SELENOF: variants seen among roughly 807,000 people sequenced by gnomAD.
The protein encoded by SELENOF is selenoprotein F, also known as 15 kDa selenoprotein.
Under a neutral mutation model 20.5 loss-of-function variants are expected in SELENOF, and 16 were observed. The ratio of observed to expected loss-of-function variants is 0.78; its 90% CI spans 0.53 to 1.19. SELENOF has a LOEUF of 1.19. Ranked by LOEUF, SELENOF falls within the 50% of genes most tolerant of loss-of-function variation. The probability of loss-of-function intolerance (pLI) is 0.00; values close to 1 mark genes in which losing one functional copy is unlikely to be tolerated. For missense variants in SELENOF, 215 were observed against 194.2 expected (o/e 1.11, Z -0.64); for synonymous variants, 78 against 74.5 (o/e 1.05, Z -0.24).
chr1:86,899,879 C>G (rs1475283053), intron 2 of SELENOF, among the ~76,000 whole-genome samples: 4 of 150,156 alleles, frequency 2.7e-5, no homozygotes, highest in African/African-American at 9.8e-5. Flanking sequence ...GATGGGGCGG[C>G]TGGGCAGAGA....
chr1:86,886,628 AAAG>A lies in SELENOF; in HGVS notation c.253-5906_253-5904del, dbSNP rs1659227572. Among the ~76,000 whole-genome samples the A allele has an allele frequency of 2.0e-5, 3 of 152,266 alleles. No individual in the cohort carries two copies. The South Asian group carries it at 6.2e-4, about 32-fold the overall frequency. On this transcript the variant is annotated intron_variant, in intron 2 of 4. Coordinates refer to ENST00000331835, the MANE Select transcript of SELENOF (RefSeq NM_004261.5). Reference sequence around the variant, plus strand: ...TAAAGTGCTAGTTTTGTTTATATTAAAAGAAGTTTTTCAAACCAAGTTAATATA... The same window carrying A: ...TAAAGTGCTAGTTTTGTTTATATTAAAAGTTTTTCAAACCAAGTTAATATA...
intron 3 of SELENOF, among the ~76,000 whole-genome samples, chr1:86,877,801 G>A (rs1030163285): frequency 3.3e-5 from 5 of 152,110 alleles, no homozygotes; most frequent in Non-Finnish European, 7.4e-5. Flanking sequence ...ACGTGCATTC[G>A]TTTAAGAACT....
In SELENOF at chr1:86,887,290, T is replaced by G. The variant is rs923560388; in HGVS notation, c.253-6565A>C. On this transcript the variant is annotated intron_variant, in intron 2 of 4. Transcript: ENST00000331835. Reference sequence around the variant, plus strand: ...AATACTATATCTGAGATTAAATTACTACTCATCTTGGAGTGCTTTTTACTA... The same window carrying G: ...AATACTATATCTGAGATTAAATTACGACTCATCTTGGAGTGCTTTTTACTA... The G allele has an allele frequency of 2.9e-6, 4 of 1,366,378 alleles. No homozygotes were observed. In the African/African-American group the frequency reaches 4.5e-5, roughly 15 times the overall value. 84.6% of individuals were successfully genotyped at this position (1,366,378 alleles called of 1,614,324 possible).
intron 4 of SELENOF, among the ~76,000 whole-genome samples, chr1:86,864,095 A>G (rs1658533742): frequency 1.3e-5 from 2 of 152,262 alleles, no homozygotes; most frequent in Non-Finnish European, 2.9e-5. Context: ...GAATGGAGGC[A>G]GACAAGTTCA....
intron 4 of SELENOF, among the ~76,000 whole-genome samples, chr1:86,865,096 A>G (rs570282502): frequency 6.6e-6 from 1 of 152,284 alleles, no homozygotes; most frequent in South Asian, 2.1e-4. Context: ...ACAAAATATT[A>G]GCAGTCAAAT....
At position 86,863,433 on chromosome 1, in the gene SELENOF, T is replaced by C; in HGVS notation, c.*41A>G. The C allele has an allele frequency of 6.4e-7, 1 of 1,552,380 alleles. No individual in the cohort carries two copies. The highest frequency in any genetic ancestry group is 8.8e-7 in the Non-Finnish European group (1 of 1,137,114). ...TTTCTAGGTGCTGTAATATTTCATT[T>C]GATAAGGTAACAAAAGGATAGGACA... On this transcript the variant is annotated 3_prime_UTR_variant, in exon 5 of 5. Transcript: ENST00000331835.
rs1438066886 is a variant in SELENOF at position 86,900,121 on chromosome 1, G to A, written c.252+3160C>T. On this transcript the variant is annotated intron_variant, in intron 2 of 4. Transcript: ENST00000331835. ...TTTCCAGACTGGGCAGCCAGGCAGAGGGGCTCCTCACATCCCAGACGATGG... is the reference window on the plus strand; with the variant it reads ...TTTCCAGACTGGGCAGCCAGGCAGAAGGGCTCCTCACATCCCAGACGATGG... Among the ~76,000 whole-genome samples the A allele has an allele frequency of 2.0e-5, 3 of 151,668 alleles. No homozygotes were observed. In the South Asian group the frequency reaches 6.3e-4, roughly 32 times the overall value.
chr1:86,883,725 T>C (rs1287221590), intron 2 of SELENOF, among the ~76,000 whole-genome samples: 1 of 152,150 alleles, frequency 6.6e-6, no homozygotes, highest in African/African-American at 2.4e-5. Context: ...ATGATAATGA[T>C]TGTACGGAGC....
intron 2 of SELENOF, among the ~76,000 whole-genome samples, chr1:86,901,133 T>C (rs1659695111): frequency 6.6e-6 from 1 of 152,232 alleles, no homozygotes; most frequent in African/African-American, 2.4e-5. Flanking sequence ...AAGGCACTAG[T>C]CTACATATTA....
intron 2 of SELENOF, among the ~76,000 whole-genome samples, chr1:86,898,452 C>T (rs900312609): frequency 6.6e-6 from 1 of 152,114 alleles, no homozygotes; most frequent in Non-Finnish European, 1.5e-5. Context: ...AAAAATGAGT[C>T]TCATCCTTAG....
intron 2 of SELENOF, among the ~76,000 whole-genome samples, chr1:86,896,684 T>C (rs770671086): frequency 1.3e-5 from 2 of 152,238 alleles, no homozygotes; most frequent in African/African-American, 2.4e-5. Flanking sequence ...GGGATGCTTA[T>C]GGCATCCTTG....
intron 4 of SELENOF, among the ~76,000 whole-genome samples, chr1:86,864,961 A>AC (rs142128459): frequency 1.3e-5 from 2 of 151,244 alleles, no homozygotes; most frequent in African/African-American, 4.9e-5. Context: ...TAAGTTAAGG[A>AC]TTTTTTTTTC....
chr1:86,879,221 T>A (rs1462937050), intron 3 of SELENOF, among the ~76,000 whole-genome samples: 1 of 152,130 alleles, frequency 6.6e-6, no homozygotes, highest in Non-Finnish European at 1.5e-5. Flanking sequence ...GAAATAAGAA[T>A]GCTCACACTA....
intron 3 of SELENOF, among the ~76,000 whole-genome samples, chr1:86,876,393 T>G (rs570888901): frequency 6.6e-6 from 1 of 152,170 alleles, no homozygotes; most frequent in Non-Finnish European, 1.5e-5. Context: ...GTTTAAAGCC[T>G]TTGTATTAAA....
chr1:86,908,885 C>T (rs1228689953), intron 1 of SELENOF, among the ~76,000 whole-genome samples: 4 of 152,120 alleles, frequency 2.6e-5, no homozygotes, highest in African/African-American at 7.2e-5. Flanking sequence ...TAAGCATACT[C>T]GATGTATTTT....
chr1:86,899,075 A>G (rs530851180), intron 2 of SELENOF, among the ~76,000 whole-genome samples: 10 of 151,936 alleles, frequency 6.6e-5, no homozygotes, highest in East Asian at 1.9e-4. Context: ...GACACAGCAC[A>G]TGTTTCAGAG....
chr1:86,890,698 G>T (rs1242676723), intron 2 of SELENOF, among the ~76,000 whole-genome samples: 1 of 151,200 alleles, frequency 6.6e-6, no homozygotes, highest in African/African-American at 2.4e-5. Context: ...GGAGGTCTTG[G>T]TCTTGCCATT....
chr1:86,885,121 A>T (rs1359315935), intron 2 of SELENOF, among the ~76,000 whole-genome samples: 1 of 152,162 alleles, frequency 6.6e-6, no homozygotes, highest in Non-Finnish European at 1.5e-5. Flanking sequence ...CTTTGTGGTT[A>T]GTTGATGTTT....
At chr1:86,911,762 G>A (rs1169708515) in intron 1 of SELENOF, among the ~76,000 whole-genome samples, 1 of 151,386 alleles carries the variant, frequency 6.6e-6, no homozygotes, top group African/African-American at 2.4e-5. Context: ...GACAGTGAAA[G>A]GAAAGAGGAT....
Sources: gnomAD v4.1 joint callset for allele counts (sites outside exome capture counted in the v4.1 genomes callset) on GRCh38, gnomAD v4.1.1 for gene constraint, MANE v1.5 for transcripts, NCBI Gene and HGNC (gene_info 2026-07-23, HGNC 2026-07-21) for gene names.